Variants in COA1 observed in about 807,000 individuals in gnomAD.
COA1 encodes the protein cytochrome c oxidase assembly factor 1 homolog.
COA1 carries 13 observed loss-of-function variants against 16.0 expected under a neutral mutation model. That is an observed-to-expected ratio of 0.81 (90% confidence interval 0.53 to 1.29). The LOEUF is 1.29. Among genes scored for constraint, COA1 ranks in the 50% most tolerant of loss-of-function variants. COA1 has a pLI of 0.00. For synonymous variants in COA1, 65 were observed against 65.7 expected (o/e 0.99, Z 0.05); for missense variants, 179 against 177.0 (o/e 1.01, Z -0.06).
chr7:43,664,609 AG>A (rs754319883), intron 1 of COA1, among the ~76,000 whole-genome samples: 1 of 152,212 alleles, frequency 6.6e-6, no homozygotes, highest in Non-Finnish European at 1.5e-5. Flanking sequence ...ATTTATGAAC[AG>A]GTGGCACACT....
chr7:43,692,393 C>T (rs1056410777), intron 1 of COA1, among the ~76,000 whole-genome samples: 4 of 152,090 alleles, frequency 2.6e-5, no homozygotes, highest in African/African-American at 9.7e-5. Flanking sequence ...ATGGCAGCGC[C>T]TGTGGTCTCA....
chr7:43,702,470 T>C (rs1100404), intron 1 of COA1, among the ~76,000 whole-genome samples: 125,731 of 152,118 alleles, frequency 0.83, 52,392 homozygotes, highest in African/African-American at 0.94. Flanking sequence ...GTCTTTCTAC[T>C]GGTACTATGC....
intron 1 of COA1, among the ~76,000 whole-genome samples, chr7:43,664,157 T>A (rs1217556863): frequency 8.0e-6 from 1 of 125,646 alleles, no homozygotes; most frequent in Non-Finnish European, 1.6e-5. Context: ...CAGGCTGGAT[T>A]GTAATAGCTA....
rs549662476 is a variant in COA1 at position 43,711,975 on chromosome 7, T to G, written c.-39+17454A>C. On this transcript the variant is annotated intron_variant, in intron 1 of 5. Transcript: ENST00000223336. ...ACTCCCAAGTGTCCACTACCCCTAT[T>G]AAAACACGGACTTTTACCAAGACAT... Among the ~76,000 whole-genome samples the G allele has an allele frequency of 7.2e-5, 11 of 152,244 alleles. No individual in the cohort carries two copies. The South Asian group carries it at 2.1e-3, about 29-fold the overall frequency.
intron 1 of COA1, among the ~76,000 whole-genome samples, chr7:43,702,726 G>A (rs1237202152): frequency 6.6e-6 from 1 of 152,052 alleles, no homozygotes; most frequent in Non-Finnish European, 1.5e-5. Flanking sequence ...TGTCGTATCT[G>A]ATTGTGTTTA....
intron 6 of COA1, among the ~76,000 whole-genome samples, chr7:43,627,975 T>G (rs2084758220): frequency 6.6e-6 from 1 of 152,168 alleles, no homozygotes; most frequent in East Asian, 1.9e-4. Context: ...TTGTTGCTTT[T>G]TCTTGTTTTG....
chr7:43,669,588 A>C (rs1008736503), intron 1 of COA1, among the ~76,000 whole-genome samples: 1 of 152,108 alleles, frequency 6.6e-6, no homozygotes, highest in Admixed American at 6.5e-5. Context: ...CCTGAGCGCT[A>C]TGCAAATCAG....
intron 1 of COA1, among the ~76,000 whole-genome samples, chr7:43,698,659 T>C (rs901908542): frequency 2.0e-5 from 3 of 152,204 alleles, no homozygotes; most frequent in Non-Finnish European, 4.4e-5. Flanking sequence ...ACAACCTTAT[T>C]ATGCTAATCA....
chr7:43,677,103 T>C (rs1192147907), intron 1 of COA1, among the ~76,000 whole-genome samples: 1 of 152,228 alleles, frequency 6.6e-6, no homozygotes, highest in East Asian at 1.9e-4. Context: ...AAGAATTCTT[T>C]GCTTTCTATA....
chr7:43,663,516 G>A (rs931831390), intron 1 of COA1, among the ~76,000 whole-genome samples: 2 of 151,528 alleles, frequency 1.3e-5, no homozygotes, highest in African/African-American at 4.9e-5. Flanking sequence ...AAAAACTAAA[G>A]ACAAAAACTT....
At chr7:43,649,890 G>A (rs2090407274) in intron 1 of COA1, 1 of 152,242 alleles carries the variant, frequency 6.6e-6, no homozygotes, top group Admixed American at 6.5e-5. Flanking sequence ...ACCAAGAGAG[G>A]AAGTAACACT....
chr7:43,637,950 G>GCAC (rs1201814353), downstream of COA1, among the ~76,000 whole-genome samples: 5 of 152,136 alleles, frequency 3.3e-5, no homozygotes, highest in Non-Finnish European at 7.4e-5. Context: ...CAGATAGGAA[G>GCAC]CACCACATAA....
intron 2 of COA1, 24 bp downstream of exon 2, chr7:43,648,576 C>CA: frequency 6.2e-7 from 1 of 1,613,748 alleles, no homozygotes; most frequent in East Asian, 2.2e-5. Flanking sequence ...TAGTGGGGAA[C>CA]TTGGCCCTGG....
rs533547409 is a variant in COA1, at chr7:43,687,297, A to G, written c.-38-38645T>C. 3.3e-5 allele frequency among the ~76,000 whole-genome samples: 5 copies of G among 152,374 alleles called. No individual in the cohort carries two copies. The South Asian group carries it at 6.2e-4, about 19-fold the overall frequency. On this transcript the variant is annotated intron_variant, in intron 1 of 5. Transcript: ENST00000223336. ...TTAAAAGGCATAAAAAGAGACACTC[A>G]GCTTTCATTACTATCAGACAAGAAA...
chr7:43,696,128 C>T (rs1275768076), intron 1 of COA1, among the ~76,000 whole-genome samples: 3 of 152,194 alleles, frequency 2.0e-5, no homozygotes, highest in Non-Finnish European at 2.9e-5. Context: ...TATGAGCCAC[C>T]GCACCCGGCC....
intron 3 of COA1, chr7:43,645,724 T>TTCC (rs1215771823): frequency 1.5e-4 from 32 of 220,048 alleles, no homozygotes; most frequent in African/African-American, 7.1e-4. Context: ...TTCTCTAAGT[T>TTCC]TCCTCTCAAG....
intron 2 of COA1, 142 bp downstream of exon 2, chr7:43,648,458 T>G: frequency 1.1e-6 from 1 of 871,214 alleles, no homozygotes; most frequent in South Asian, 1.3e-5. Context: ...TGCCCATCCC[T>G]CCTGTGAAGT....
chr7:43,722,451 G>T (rs1240610830), intron 1 of COA1, among the ~76,000 whole-genome samples: 2 of 151,954 alleles, frequency 1.3e-5, no homozygotes. Flanking sequence ...CCAGGCTAGA[G>T]TGCAATGGCA....
intron 1 of COA1, among the ~76,000 whole-genome samples, chr7:43,694,206 CT>C (rs377533565): frequency 6.2e-4 from 92 of 149,134 alleles, no homozygotes; most frequent in African/African-American, 2.2e-3. Flanking sequence ...CAATTTCCCC[CT>C]CTCTATATTA....
Sources: gnomAD v4.1 joint callset for allele counts (sites outside exome capture counted in the v4.1 genomes callset) on GRCh38, gnomAD v4.1.1 for gene constraint, MANE v1.5 for transcripts, NCBI Gene and HGNC (gene_info 2026-07-23, HGNC 2026-07-21) for gene names.